The following QPCT variants were observed in gnomAD, a reference collection of about 807,000 sequenced individuals.
QPCT encodes glutaminyl-peptide cyclotransferase.
Under a neutral mutation model 43.4 loss-of-function variants are expected in QPCT, and 44 were observed. The ratio of observed to expected loss-of-function variants is 1.01; its 90% CI spans 0.80 to 1.30. QPCT has a LOEUF of 1.30. Among genes scored for constraint, QPCT ranks in the 50% most tolerant of loss-of-function variants. QPCT has a pLI of 0.00. For synonymous variants in QPCT, 168 were observed against 168.4 expected (o/e 1.00, Z 0.02); for missense variants, 526 against 436.5 (o/e 1.21, Z -1.83).
chr2:37,357,841 A>G (rs566737076), intron 2 of QPCT, among the ~76,000 whole-genome samples: 4 of 152,220 alleles, frequency 2.6e-5, no homozygotes, highest in African/African-American at 4.8e-5. Context: ...CACAGGCCAC[A>G]TGGGACTTGG....
chr2:37,355,976 T>C (rs1002793343), intron 2 of QPCT, among the ~76,000 whole-genome samples: 4 of 152,168 alleles, frequency 2.6e-5, no homozygotes, highest in South Asian at 2.1e-4. Flanking sequence ...GACTCATATA[T>C]GGTGCACTCA....
At position 37,372,935 on chromosome 2, in the gene QPCT, T is replaced by G; in HGVS notation, c.*108T>G. The stretch of plus-strand genomic sequence containing the variant: ...AAATGCTGTGTGGAAACATCTATCC[T>G]ATAGATCATCCTATTCTTATGTGTC... On this transcript the variant is annotated 3_prime_UTR_variant, in exon 7 of 7. Coordinates refer to ENST00000338415, the MANE Select transcript of QPCT (RefSeq NM_012413.4). 7 of 932,416 alleles carry G rather than the reference T, an allele frequency of 7.5e-6. No homozygotes were observed. The highest frequency in any genetic ancestry group is 1.1e-5 in the Non-Finnish European group (7 of 639,974). 57.8% of individuals were successfully genotyped at this position (932,416 alleles called of 1,614,324 possible).
In QPCT at chr2:37,344,800, C is replaced by T. The variant is rs1201098980; in HGVS notation, c.69C>T (p.Pro23=). 6.2e-7 allele frequency: 1 copy of T among 1,609,552 alleles called. No homozygotes were observed. The change falls in exon 1 of 7, where the codon CCC becomes CCT. Residue 23 remains proline (P), a synonymous_variant. Coordinates refer to ENST00000338415, the MANE Select transcript of QPCT (RefSeq NM_012413.4). ...TGCTGCTGCTGGTGGCCGCCCTGCC[C>T]TGGGCATCCAGGGGGGTCAGTCCGA... ...LHLLLLVAAL[P]WASRGVSPSA...
intron 1 of QPCT, 40 bp from the exon 2 acceptor site, chr2:37,352,749 T>C: frequency 1.2e-6 from 2 of 1,603,646 alleles, no homozygotes; most frequent in African/African-American, 1.3e-5. Flanking sequence ...AAACATGTTA[T>C]GAAAGGATAG....
intron 1 of QPCT, among the ~76,000 whole-genome samples, chr2:37,351,099 G>A (rs1379995922): frequency 3.3e-5 from 5 of 152,176 alleles, no homozygotes; most frequent in Admixed American, 6.5e-5. Flanking sequence ...TAGGCAATAA[G>A]CATTCTTTGA....
intron 3 of QPCT, among the ~76,000 whole-genome samples, chr2:37,364,326 T>G (rs1672913072): frequency 6.6e-6 from 1 of 152,144 alleles, no homozygotes; most frequent in African/African-American, 2.4e-5. Context: ...GGCAGAAATC[T>G]GCAGGTTGAT....
Position 37,369,787 on chromosome 2 carries a change from A to G in QPCT, c.823+3A>G. The G allele has an allele frequency of 6.5e-7, 1 of 1,549,992 alleles. No homozygotes were observed. The stretch of plus-strand genomic sequence containing the variant: ...GTTCGAAAGACTTCAAGCAATTGGT[A>G]AGCACCACTGTTATTAATGAATAAA... On this transcript the variant is annotated splice_donor_region_variant and intron_variant, in intron 5 of 6. Transcript: ENST00000338415.
At chr2:37,367,050 T>G (rs1672978402) in intron 3 of QPCT, 182 bp from the exon 4 acceptor site, 2 of 609,212 alleles carry the variant, frequency 3.3e-6, no homozygotes, top group Middle Eastern at 4.4e-4. Context: ...GTGAAGACTG[T>G]GGGAGGTGTG....
chr2:37,348,587 C>G (rs1376502407), intron 1 of QPCT, among the ~76,000 whole-genome samples: 1 of 152,180 alleles, frequency 6.6e-6, no homozygotes, highest in Non-Finnish European at 1.5e-5. Flanking sequence ...TTAATTCAGT[C>G]TTTTGGAACC....
chr2:37,366,510 G>A (rs1672964324), intron 3 of QPCT, among the ~76,000 whole-genome samples: 2 of 152,152 alleles, frequency 1.3e-5, no homozygotes, highest in African/African-American at 4.8e-5. Flanking sequence ...GCATTCCTAG[G>A]GCAGACTCTT....
chr2:37,356,596 A>G (rs567430773), intron 2 of QPCT, among the ~76,000 whole-genome samples: 1 of 152,350 alleles, frequency 6.6e-6, no homozygotes, highest in East Asian at 1.9e-4. Context: ...TAAGTCTGAA[A>G]GCCAAAAACA....
chr2:37,372,310 T>C, intron 5 of QPCT, 46 bp from the exon 6 acceptor site: 1 of 1,310,460 alleles, frequency 7.6e-7, no homozygotes, highest in Middle Eastern at 1.8e-4. Context: ...TGAGTCTTGA[T>C]AAGATAAAAA....
intron 3 of QPCT, 25 bp from the exon 4 acceptor site, chr2:37,367,207 A>G (rs1393591111): frequency 6.3e-7 from 1 of 1,579,270 alleles, no homozygotes; most frequent in Non-Finnish European, 8.6e-7. Flanking sequence ...TTTTTTTGCT[A>G]TGTTTTTATT....
At chr2:37,370,947 C>G (rs3770742) in intron 5 of QPCT, among the ~76,000 whole-genome samples, 3 of 152,094 alleles carry the variant, frequency 2.0e-5, no homozygotes, top group East Asian at 3.9e-4. Flanking sequence ...AAATTCCTTA[C>G]TAGCCACACA....
intron 1 of QPCT, among the ~76,000 whole-genome samples, chr2:37,351,577 G>C (rs1382545034): frequency 1.3e-5 from 2 of 152,180 alleles, no homozygotes; most frequent in Non-Finnish European, 2.9e-5. Context: ...AGTTGGCACT[G>C]TCTAATAGAA....
At position 37,367,317 on chromosome 2, in the gene QPCT, A is replaced by G. The variant is rs573381103; in HGVS notation, c.632A>G (p.Asp211Gly). The change falls in exon 4 of 7, where the codon GAT becomes GGT. Residue 211 changes from aspartate (D) to glycine (G), a missense_variant. Asp to Gly is a moderately conservative substitution (Grantham distance 94). Coordinates refer to ENST00000338415, the MANE Select transcript of QPCT (RefSeq NM_012413.4). Reference sequence around the variant, plus strand: ...GCTTTTCTTCACTGGTCTCCTCAAGATTCTCTCTATGGGTCTCGACACTTA... The same window carrying G: ...GCTTTTCTTCACTGGTCTCCTCAAGGTTCTCTCTATGGGTCTCGACACTTA... ...EEAFLHWSPQDSLYGSRHLAA... is the reference protein window; with the variant it reads ...EEAFLHWSPQGSLYGSRHLAA... 6 of 1,613,882 alleles carry G rather than the reference A, an allele frequency of 3.7e-6. No individual in the cohort carries two copies. In the African/African-American group the frequency reaches 4.0e-5, roughly 11 times the overall value.
intron 1 of QPCT, among the ~76,000 whole-genome samples, chr2:37,352,273 A>G (rs1558601435): frequency 6.6e-6 from 1 of 151,748 alleles, no homozygotes; most frequent in Non-Finnish European, 1.5e-5. Context: ...TTCCCTGACT[A>G]CTCTCCCTCT....
At chr2:37,357,005 C>CAAA (rs1290865213) in intron 2 of QPCT, among the ~76,000 whole-genome samples, 3 of 90,682 alleles carry the variant, frequency 3.3e-5, no homozygotes, top group Admixed American at 1.3e-4. Context: ...GACTCCGTCT[C>CAAA]AAAAAAAAAA....
intron 5 of QPCT, 118 bp from the exon 6 acceptor site, chr2:37,372,238 A>G (rs146328791): frequency 1.3e-6 from 1 of 778,878 alleles, no homozygotes; most frequent in Admixed American, 1.9e-5. Flanking sequence ...CTGTTGCATA[A>G]TCTTTTACAA....
Sources: allele counts gnomAD v4.1 joint callset (sites outside exome capture counted in the v4.1 genomes callset), GRCh38; gene constraint gnomAD v4.1.1; transcripts MANE v1.5; gene names NCBI Gene and HGNC (gene_info 2026-07-23, HGNC 2026-07-21).